Variants in MIPOL1 observed in about 807,000 individuals in gnomAD.
MIPOL1 encodes the protein mirror-image polydactyly gene 1 protein.
Under a neutral mutation model 60.9 loss-of-function variants are expected in MIPOL1, and 57 were observed. The ratio of observed to expected loss-of-function variants is 0.94; its 90% CI spans 0.76 to 1.17. MIPOL1 has a LOEUF of 1.17. Ranked by LOEUF, MIPOL1 falls within the 50% of genes most tolerant of loss-of-function variation. The pLI, the probability that MIPOL1 is intolerant of heterozygous loss-of-function variation, is 0.00. For synonymous variants in MIPOL1, 179 were observed against 168.8 expected, an observed-to-expected ratio of 1.06 and a Z score of -0.47; for missense variants, 551 against 511.6, an observed-to-expected ratio of 1.08 and a Z score of -0.74.
At chr14:37,521,672 G>A (rs1225113731) in intron 12 of MIPOL1, among the ~76,000 whole-genome samples, 1 of 152,010 alleles carries the variant, frequency 6.6e-6, no homozygotes, top group Non-Finnish European at 1.5e-5. Flanking sequence ...TCAGCTGATT[G>A]AGTCATGAAC....
intron 1 of MIPOL1, among the ~76,000 whole-genome samples, chr14:37,222,412 A>G (rs1358212921): frequency 6.9e-6 from 1 of 145,364 alleles, no homozygotes; most frequent in Non-Finnish European, 1.5e-5. Flanking sequence ...TTAACTTATT[A>G]TAGAGGTTAT....
At chr14:37,487,958 T>C (rs1264132239) in intron 11 of MIPOL1, among the ~76,000 whole-genome samples, 1 of 152,220 alleles carries the variant, frequency 6.6e-6, no homozygotes, top group Non-Finnish European at 1.5e-5. Context: ...CTGCTTTCTC[T>C]TGTGGGCATT....
chr14:37,366,312 T>C (rs926611198), intron 9 of MIPOL1, among the ~76,000 whole-genome samples: 1 of 152,022 alleles, frequency 6.6e-6, no homozygotes, highest in Non-Finnish European at 1.5e-5. Context: ...TCCCTCTTAG[T>C]ACTACTTTTG....
intron 12 of MIPOL1, among the ~76,000 whole-genome samples, chr14:37,544,176 A>T (rs1272288944): frequency 6.6e-6 from 1 of 152,224 alleles, no homozygotes. Context: ...AAATGAAAAG[A>T]AAAGATGATA....
At chr14:37,328,886 G>T (rs776929470) in intron 9 of MIPOL1, among the ~76,000 whole-genome samples, 2 of 152,142 alleles carry the variant, frequency 1.3e-5, no homozygotes, top group Non-Finnish European at 2.9e-5. Context: ...AGTGTCACTG[G>T]AAGTGGGGCA....
chr14:37,360,031 G>C (rs1196609844), intron 9 of MIPOL1, among the ~76,000 whole-genome samples: 6 of 152,214 alleles, frequency 3.9e-5, no homozygotes, highest in South Asian at 4.2e-4. Flanking sequence ...TAGCATGAAG[G>C]GCTGTTGAAT....
intron 9 of MIPOL1, among the ~76,000 whole-genome samples, chr14:37,361,178 A>T (rs2092212411): frequency 6.6e-6 from 1 of 152,208 alleles, no homozygotes; most frequent in African/African-American, 2.4e-5. Context: ...CTGTGGTCTG[A>T]GAGACAGTTT....
intron 10 of MIPOL1, among the ~76,000 whole-genome samples, chr14:37,416,589 C>CTA (rs1160851117): frequency 2.0e-5 from 3 of 152,252 alleles, no homozygotes; most frequent in Non-Finnish European, 1.5e-5. Context: ...TCTTATGGAA[C>CTA]TATAGTCTTA....
At chr14:37,298,347 C>G (rs184239438) in intron 7 of MIPOL1, among the ~76,000 whole-genome samples, 1 of 152,072 alleles carries the variant, frequency 6.6e-6, no homozygotes, top group African/African-American at 2.4e-5. Flanking sequence ...CCATAAAAAC[C>G]CTACAAGAAA....
chr14:37,477,407 T>A (rs893432345), intron 11 of MIPOL1, among the ~76,000 whole-genome samples: 3 of 152,144 alleles, frequency 2.0e-5, no homozygotes, highest in African/African-American at 7.2e-5. Context: ...TACATAAATG[T>A]TTATTCGAAT....
At chr14:37,445,276 C>G (rs1035897373) in intron 11 of MIPOL1, among the ~76,000 whole-genome samples, 2 of 152,052 alleles carry the variant, frequency 1.3e-5, no homozygotes, top group African/African-American at 4.8e-5. Context: ...TTCTTATACA[C>G]CAATAACAGA....
chr14:37,493,887 A>C (rs752056037), intron 11 of MIPOL1, among the ~76,000 whole-genome samples: 15 of 152,192 alleles, frequency 9.9e-5, no homozygotes, highest in Non-Finnish European at 1.6e-4. Flanking sequence ...CTGTAACTTA[A>C]AATATGTTCC....
chr14:37,211,194 A>G (rs372923949), intron 1 of MIPOL1, among the ~76,000 whole-genome samples: 229 of 17,838 alleles, frequency 0.013, no homozygotes, highest in African/African-American at 0.046. Context: ...CCACCCCCCC[A>G]CCCCCCAGAC....
rs543549177 is a variant in MIPOL1 at position 37,508,127 on chromosome 14, T to C, written c.1262+7989T>C. On this transcript the variant is annotated intron_variant, in intron 12 of 12. Coordinates refer to ENST00000684589, the MANE Select transcript of MIPOL1 (RefSeq NM_001388067.1). ...ATAAGACTTCGTAAGATGGTATTCA[T>C]AGTCTCCTTAAAAATCTGAAATCAT... is the stretch of plus-strand genomic sequence containing the variant. 6.6e-5 allele frequency among the ~76,000 whole-genome samples: 10 copies of C among 152,320 alleles called. No homozygotes were observed. In the South Asian group the frequency reaches 1.7e-3, roughly 25 times the overall value.
At chr14:37,438,534 G>A (rs1416519971) in intron 11 of MIPOL1, among the ~76,000 whole-genome samples, 1 of 152,064 alleles carries the variant, frequency 6.6e-6, no homozygotes, top group South Asian at 2.1e-4. Context: ...TTTGCTACTG[G>A]ACCCCTTCCT....
intron 11 of MIPOL1, among the ~76,000 whole-genome samples, chr14:37,433,908 A>G (rs562741136): frequency 3.9e-5 from 6 of 152,254 alleles, no homozygotes; most frequent in South Asian, 2.1e-4. Context: ...TATATGTGCT[A>G]CATTTTCTTT....
intron 6 of MIPOL1, among the ~76,000 whole-genome samples, chr14:37,280,219 A>G (rs912993044): frequency 1.3e-5 from 2 of 151,998 alleles, no homozygotes; most frequent in Non-Finnish European, 2.9e-5. Context: ...TCATTTATCT[A>G]TTGTTTGGCA....
At chr14:37,399,773 A>C (rs1003343185) in intron 10 of MIPOL1, 6 of 152,216 alleles carry the variant, frequency 3.9e-5, no homozygotes, top group African/African-American at 1.4e-4. Context: ...CAGCAACTGC[A>C]GAAAGCAGAT....
At chr14:37,510,614 A>C (rs2095320828) in intron 12 of MIPOL1, among the ~76,000 whole-genome samples, 1 of 152,088 alleles carries the variant, frequency 6.6e-6, no homozygotes, top group Non-Finnish European at 1.5e-5. Context: ...ACTGTGTTCT[A>C]TTCATCTTTG....
Sources: allele counts gnomAD v4.1 joint callset (sites outside exome capture counted in the v4.1 genomes callset), GRCh38; gene constraint gnomAD v4.1.1; transcripts MANE v1.5; gene names NCBI Gene and HGNC (gene_info 2026-07-23, HGNC 2026-07-21).